AKAP13: variants seen among roughly 807,000 people sequenced by gnomAD.
The protein encoded by AKAP13 is A-kinase anchor protein 13.
AKAP13 carries 80 observed loss-of-function variants against 264.5 expected under a neutral mutation model. That is an observed-to-expected ratio of 0.30 (90% CI 0.25 to 0.36). The LOEUF is 0.36. AKAP13 is among the 10% of genes least tolerant of loss of function. AKAP13 has a pLI of 1.00. For synonymous variants in AKAP13, 1,380 were observed against 1,250.2 expected, an observed-to-expected ratio of 1.10 and a Z score of -2.19; for missense variants, 3,712 against 3,435.2, an observed-to-expected ratio of 1.08 and a Z score of -2.01.
At chr15:85,634,218 A>G (rs1394443446) in intron 8 of AKAP13, among the ~76,000 whole-genome samples, 1 of 117,928 alleles carries the variant, frequency 8.5e-6, no homozygotes, top group African/African-American at 4.1e-5. Context: ...CATTCATTTT[A>G]TTGTCAGTTA....
At chr15:85,421,939 C>G (rs1254505425) in intron 1 of AKAP13, among the ~76,000 whole-genome samples, 1 of 152,206 alleles carries the variant, frequency 6.6e-6, no homozygotes. Context: ...TACTCTATCT[C>G]TCATATATCC....
intron 5 of AKAP13, among the ~76,000 whole-genome samples, chr15:85,554,240 C>G (rs2078061053): frequency 6.6e-6 from 1 of 151,896 alleles, no homozygotes; most frequent in African/African-American, 2.4e-5. Flanking sequence ...TCTTCATCTA[C>G]AAAATAGGGA....
At chr15:85,426,081 C>T (rs558682448) in intron 1 of AKAP13, among the ~76,000 whole-genome samples, 5 of 152,278 alleles carry the variant, frequency 3.3e-5, no homozygotes, top group South Asian at 2.1e-4. Context: ...TTCATCCAGA[C>T]GAACTTTGTA....
At chr15:85,536,412 A>G (rs1303408838) in intron 4 of AKAP13, 3 of 152,314 alleles carry the variant, frequency 2.0e-5, no homozygotes, top group Non-Finnish European at 4.4e-5. Flanking sequence ...AATATTTGGC[A>G]GTTTCTTGTA....
At chr15:85,687,371 C>A (rs1000565045) in intron 16 of AKAP13, among the ~76,000 whole-genome samples, 45 of 152,152 alleles carry the variant, frequency 3.0e-4, no homozygotes, top group African/African-American at 9.9e-4. Context: ...AGGAGATGAG[C>A]AGAAAGGACA....
chr15:85,575,941 A>G (rs2151299532), intron 6 of AKAP13, among the ~76,000 whole-genome samples: 1 of 152,342 alleles, frequency 6.6e-6, no homozygotes, highest in South Asian at 2.1e-4. Context: ...AGCTGAGATG[A>G]CACCACTGCA....
intron 1 of AKAP13, among the ~76,000 whole-genome samples, chr15:85,471,602 GCGTA>G (rs2074962719): frequency 6.6e-6 from 1 of 152,196 alleles, no homozygotes; most frequent in Non-Finnish European, 1.5e-5. Context: ...TCTGATAACT[GCGTA>G]CGTAACCACC....
intron 5 of AKAP13, among the ~76,000 whole-genome samples, chr15:85,568,860 G>A (rs1473947914): frequency 1.3e-5 from 2 of 152,144 alleles, no homozygotes; most frequent in Non-Finnish European, 2.9e-5. Flanking sequence ...CTATTGCTTT[G>A]AAACAGTTGT....
intron 1 of AKAP13, among the ~76,000 whole-genome samples, chr15:85,417,949 T>C (rs1056061095): frequency 4.6e-5 from 7 of 152,190 alleles, no homozygotes; most frequent in Admixed American, 1.3e-4. Context: ...GAGAAGTTTA[T>C]TTTAATATTT....
intron 9 of AKAP13, among the ~76,000 whole-genome samples, chr15:85,641,185 G>T (rs372801128): frequency 2.6e-5 from 4 of 151,884 alleles, no homozygotes; most frequent in African/African-American, 9.7e-5. Flanking sequence ...GGTGGCTCAC[G>T]CCTGTAATCC....
intron 10 of AKAP13, among the ~76,000 whole-genome samples, chr15:85,648,181 G>C (rs2082644886): frequency 6.6e-6 from 1 of 152,214 alleles, no homozygotes; most frequent in South Asian, 2.1e-4. Flanking sequence ...GTATCTCTAA[G>C]TTCCAGCTTT....
At chr15:85,683,266 A>G (rs114157679) in intron 15 of AKAP13, among the ~76,000 whole-genome samples, 364 of 152,320 alleles carry the variant, frequency 2.4e-3, no homozygotes, top group African/African-American at 8.1e-3. Flanking sequence ...AACAATGCAT[A>G]TATAAATAAA....
At chr15:85,608,789 A>T (rs1046278491) in intron 8 of AKAP13, among the ~76,000 whole-genome samples, 5 of 152,204 alleles carry the variant, frequency 3.3e-5, no homozygotes, top group African/African-American at 1.2e-4. Context: ...AACAATAGAA[A>T]ATGAGATTGG....
intron 16 of AKAP13, among the ~76,000 whole-genome samples, chr15:85,691,566 G>T (rs1268417257): frequency 6.6e-6 from 1 of 152,152 alleles, no homozygotes; most frequent in East Asian, 1.9e-4. Flanking sequence ...TCTGCTTTCA[G>T]TCTGTCTCTA....
chr15:85,434,015 C>T (rs568097450), intron 1 of AKAP13, among the ~76,000 whole-genome samples: 92 of 152,012 alleles, frequency 6.1e-4, no homozygotes, highest in Admixed American at 5.2e-3. Flanking sequence ...CAGCTCCCAG[C>T]GTGAGCGACG....
At chr15:85,575,641 G>A (rs1330292269) in intron 6 of AKAP13, among the ~76,000 whole-genome samples, 2 of 151,868 alleles carry the variant, frequency 1.3e-5, no homozygotes, top group African/African-American at 2.4e-5. Flanking sequence ...GCAGTGAGCC[G>A]AGATCACGCC....
intron 1 of AKAP13, among the ~76,000 whole-genome samples, chr15:85,485,165 T>C (rs529881884): frequency 4.6e-5 from 7 of 152,212 alleles, no homozygotes; most frequent in Non-Finnish European, 1.0e-4. Flanking sequence ...TTAGTGAACA[T>C]AACAATCAGG....
At chr15:85,550,477 T>C (rs1241526634) in intron 5 of AKAP13, among the ~76,000 whole-genome samples, 1 of 152,186 alleles carries the variant, frequency 6.6e-6, no homozygotes, top group Non-Finnish European at 1.5e-5. Flanking sequence ...ACACTTGCGC[T>C]TGAAACCTAG....
chr15:85,686,962 C>G (rs547276165), intron 16 of AKAP13, among the ~76,000 whole-genome samples: 1 of 152,246 alleles, frequency 6.6e-6, no homozygotes, highest in East Asian at 1.9e-4. Context: ...TTCAAACAAG[C>G]TTTTCGTGGA....
Sources: allele counts gnomAD v4.1 joint callset (sites outside exome capture counted in the v4.1 genomes callset), GRCh38; gene constraint gnomAD v4.1.1; transcripts MANE v1.5; gene names NCBI Gene and HGNC (gene_info 2026-07-23, HGNC 2026-07-21).